MAD1L1: variants seen among roughly 807,000 people sequenced by gnomAD.
The protein encoded by MAD1L1 is mitotic spindle assembly checkpoint protein MAD1.
In MAD1L1, 95 loss-of-function variants were observed where a neutral mutation model predicts 96.9. The observed-to-expected ratio is 0.98, with a 90% CI of 0.83 to 1.16. The LOEUF (loss-of-function observed/expected upper bound fraction) is 1.16, where lower values mean the gene tolerates loss of function less well. Among genes scored for constraint, MAD1L1 ranks in the 50% most tolerant of loss-of-function variants. MAD1L1 has a pLI of 0.00. For synonymous variants in MAD1L1, 473 were observed against 396.6 expected (o/e 1.19, Z -2.29); for missense variants, 1,007 against 954.4 (o/e 1.06, Z -0.73).
At chr7:2,011,945 C>T (rs1782323594) in intron 13 of MAD1L1, among the ~76,000 whole-genome samples, 1 of 152,162 alleles carries the variant, frequency 6.6e-6, no homozygotes, top group Non-Finnish European at 1.5e-5. Flanking sequence ...GCCGTGTGAA[C>T]TCCCACAGTG....
At chr7:2,100,771 T>G (rs1376980469) in intron 11 of MAD1L1, among the ~76,000 whole-genome samples, 1 of 152,160 alleles carries the variant, frequency 6.6e-6, no homozygotes, top group Non-Finnish European at 1.5e-5. Context: ...TTTAAATAAT[T>G]AAGCTGGCCC....
At chr7:1,976,076 G>T (rs909521346) in intron 15 of MAD1L1, among the ~76,000 whole-genome samples, 1 of 152,198 alleles carries the variant, frequency 6.6e-6, no homozygotes, top group East Asian at 1.9e-4. Context: ...GTTGAAAAAC[G>T]ATGCTATGTG....
At chr7:2,012,235 G>C (rs1367202850) in intron 13 of MAD1L1, among the ~76,000 whole-genome samples, 1 of 152,318 alleles carries the variant, frequency 6.6e-6, no homozygotes, top group African/African-American at 2.4e-5. Context: ...AGCCCTGATC[G>C]CCTTAACACA....
At chr7:2,077,480 G>A (rs1473240645) in intron 11 of MAD1L1, among the ~76,000 whole-genome samples, 3 of 152,156 alleles carry the variant, frequency 2.0e-5, no homozygotes, top group Non-Finnish European at 2.9e-5. Flanking sequence ...ACCCCCATAG[G>A]GCTGGGGGGA....
intron 11 of MAD1L1, among the ~76,000 whole-genome samples, chr7:2,117,895 A>G (rs1306764876): frequency 1.3e-5 from 2 of 152,116 alleles, no homozygotes; most frequent in Non-Finnish European, 2.9e-5. Flanking sequence ...CTTTGGCGCA[A>G]AGCAACTCAC....
In MAD1L1 at chr7:1,816,089, C is replaced by T. The variant is rs1255502458; in HGVS notation, c.2138G>A (p.Ser713Asn). 6.2e-7 allele frequency: 1 copy of T among 1,611,504 alleles called. No homozygotes were observed. The highest frequency in any genetic ancestry group is 2.2e-5 in the East Asian group (1 of 44,844). Reference sequence around the variant, plus strand: ...TGCAGGCTACGCCACGGTCTGGCGGCTGAAGAGCTCGAGGGTGAGCGAGCT... The same window carrying T: ...TGCAGGCTACGCCACGGTCTGGCGGTTGAAGAGCTCGAGGGTGAGCGAGCT... ...FLSSLTLELF[S>N]RQTVA The change falls in exon 19 of 19, where the codon AGC becomes AAC. Residue 713 changes from serine to asparagine, a missense_variant. By Grantham distance (46) the Ser-to-Asn change is conservative (BLOSUM62 1). Coordinates refer to ENST00000265854, the MANE Select transcript of MAD1L1 (RefSeq NM_001013836.2).
At chr7:2,053,811 G>T (rs1011260588) in intron 12 of MAD1L1, among the ~76,000 whole-genome samples, 1 of 152,208 alleles carries the variant, frequency 6.6e-6, no homozygotes, top group African/African-American at 2.4e-5. Flanking sequence ...CCATTAAGTG[G>T]ACGCAGGCCA....
At chr7:1,837,416 C>T (rs538263279) in intron 18 of MAD1L1, among the ~76,000 whole-genome samples, 40 of 152,236 alleles carry the variant, frequency 2.6e-4, no homozygotes, top group Non-Finnish European at 5.4e-4. Flanking sequence ...TAAAGTTAGG[C>T]GTACACTGAC....
chr7:1,997,684 C>A (rs1408805103), intron 14 of MAD1L1, among the ~76,000 whole-genome samples: 1 of 152,268 alleles, frequency 6.6e-6, no homozygotes, highest in Non-Finnish European at 1.5e-5. Context: ...CAACCTGGAG[C>A]CCAGGGCTGC....
Position 2,079,407 on chromosome 7 carries a change from G to T in MAD1L1, c.1074-10069C>A, listed in dbSNP as rs1785527818. ...CGGAAACAAAACCAGAGAATGAGAA[G>T]ACCAAAGGCTGAAATAATTACCAAT... On this transcript the variant is annotated intron_variant, in intron 11 of 18. Coordinates refer to ENST00000265854, the MANE Select transcript of MAD1L1 (RefSeq NM_001013836.2). Among the ~76,000 whole-genome samples, 4 of 152,180 alleles carry T rather than the reference G, an allele frequency of 2.6e-5. No homozygotes were observed. In the South Asian group the frequency reaches 8.3e-4, roughly 32 times the overall value.
chr7:2,166,466 G>C (rs74554948), intron 10 of MAD1L1, among the ~76,000 whole-genome samples: 1 of 148,286 alleles, frequency 6.7e-6, no homozygotes, highest in East Asian at 1.9e-4. Flanking sequence ...GGCGCTGTTT[G>C]AACTGTTCAA....
intron 17 of MAD1L1, among the ~76,000 whole-genome samples, chr7:1,917,494 C>A (rs1035730888): frequency 6.6e-6 from 1 of 152,226 alleles, no homozygotes; most frequent in Admixed American, 6.5e-5. Flanking sequence ...ACCGCCTGGC[C>A]GGGGCTCAGG....
At chr7:1,899,654 C>T (rs888056705) in intron 17 of MAD1L1, among the ~76,000 whole-genome samples, 8 of 152,116 alleles carry the variant, frequency 5.3e-5, no homozygotes, top group Non-Finnish European at 1.0e-4. Context: ...GTCTGAAGGC[C>T]CCAGAAAGGG....
At chr7:2,044,473 G>T (rs1269921083) in intron 12 of MAD1L1, among the ~76,000 whole-genome samples, 1 of 152,188 alleles carries the variant, frequency 6.6e-6, no homozygotes, top group Non-Finnish European at 1.5e-5. Context: ...AACACACTGG[G>T]AACAGTGCTT....
chr7:1,815,849 G>A lies in MAD1L1; in HGVS notation c.*221C>T, dbSNP rs145268561. On this transcript the variant is annotated 3_prime_UTR_variant, in exon 19 of 19. Coordinates refer to ENST00000265854, the MANE Select transcript of MAD1L1 (RefSeq NM_001013836.2). ...TGAGGAACCCAGGCTGGTGGCCGAC[G>A]CCCACACACCAGGCTCCGGGACGCA... is the stretch of plus-strand genomic sequence containing the variant. 4.7e-4 allele frequency: 254 copies of A among 540,292 alleles called. 1 individual carries two copies. The highest frequency in any genetic ancestry group is 1.8e-3 in the Admixed American group (54 of 29,500). 33.5% of individuals were successfully genotyped at this position (540,292 alleles called of 1,614,324 possible).
At chr7:1,821,939 AGGAAAG>A (rs2128620825) in intron 18 of MAD1L1, among the ~76,000 whole-genome samples, 1 of 152,290 alleles carries the variant, frequency 6.6e-6, no homozygotes, top group East Asian at 1.9e-4. Flanking sequence ...AGGTAAGAAA[AGGAAAG>A]CAGCAGCATA....
At chr7:2,072,891 A>G (rs1259461826) in intron 11 of MAD1L1, among the ~76,000 whole-genome samples, 1 of 152,214 alleles carries the variant, frequency 6.6e-6, no homozygotes, top group East Asian at 1.9e-4. Context: ...GTGTGGGGGC[A>G]CATGTGGGGC....
chr7:2,214,951 G>T (rs1467239737), intron 9 of MAD1L1, among the ~76,000 whole-genome samples: 1 of 152,164 alleles, frequency 6.6e-6, no homozygotes, highest in Non-Finnish European at 1.5e-5. Context: ...ACACAAATTG[G>T]TGCGGCACAG....
intron 18 of MAD1L1, among the ~76,000 whole-genome samples, chr7:1,867,617 G>A (rs1784839985): frequency 1.3e-5 from 2 of 152,222 alleles, no homozygotes; most frequent in Non-Finnish European, 2.9e-5. Context: ...TCTACCGGTG[G>A]CTCGGGCCCA....
Sources: gnomAD v4.1 joint callset for allele counts (sites outside exome capture counted in the v4.1 genomes callset) on GRCh38, gnomAD v4.1.1 for gene constraint, MANE v1.5 for transcripts, NCBI Gene and HGNC (gene_info 2026-07-23, HGNC 2026-07-21) for gene names.